Variants in DTNBP1 observed in about 807,000 individuals in gnomAD.
DTNBP1 encodes the protein dysbindin.
DTNBP1 carries 35 observed loss-of-function variants against 42.8 expected under a neutral mutation model. The observed-to-expected ratio is 0.82, with a 90% CI of 0.63 to 1.09. The LOEUF (loss-of-function observed/expected upper bound fraction) is 1.09. DTNBP1 is among the 50% of genes least tolerant of loss of function. The pLI, the probability that DTNBP1 is intolerant of heterozygous loss-of-function variation, is 0.00. For missense variants in DTNBP1, 457 were observed against 424.2 expected, an observed-to-expected ratio of 1.08 and a Z score of -0.68; for synonymous variants, 171 against 162.2, an observed-to-expected ratio of 1.05 and a Z score of -0.41.
intron 7 of DTNBP1, among the ~76,000 whole-genome samples, chr6:15,581,003 C>T (rs1255249726): frequency 6.6e-6 from 1 of 152,194 alleles, no homozygotes. Context: ...AACTACAACT[C>T]TGAAGCCTTA....
At chr6:15,613,613 G>A (rs905516654) in intron 6 of DTNBP1, among the ~76,000 whole-genome samples, 11 of 151,900 alleles carry the variant, frequency 7.2e-5, no homozygotes, top group Non-Finnish European at 1.0e-4. Flanking sequence ...TGATCTGCCC[G>A]CCTTGGCCTC....
At chr6:15,611,394 G>A (rs769885117) in intron 6 of DTNBP1, among the ~76,000 whole-genome samples, 24 of 152,158 alleles carry the variant, frequency 1.6e-4, no homozygotes, top group Admixed American at 7.2e-4. Flanking sequence ...TCACCCAAGA[G>A]CTCTCATGGA....
intron 7 of DTNBP1, among the ~76,000 whole-genome samples, chr6:15,590,745 G>A (rs1776265331): frequency 6.6e-6 from 1 of 152,144 alleles, no homozygotes; most frequent in South Asian, 2.1e-4. Context: ...TAATCTTGTA[G>A]AGATTGGCCA....
intron 7 of DTNBP1, among the ~76,000 whole-genome samples, chr6:15,544,268 G>C: frequency 6.6e-6 from 1 of 152,144 alleles, no homozygotes; most frequent in Non-Finnish European, 1.5e-5. Context: ...TTTTATTATT[G>C]AGTAGAATTT....
intron 7 of DTNBP1, among the ~76,000 whole-genome samples, chr6:15,575,395 C>A (rs1423052024): frequency 6.6e-6 from 1 of 152,194 alleles, no homozygotes; most frequent in Non-Finnish European, 1.5e-5. Context: ...TACCACGTTG[C>A]CACCATTCTC....
intron 6 of DTNBP1, among the ~76,000 whole-genome samples, chr6:15,614,252 G>A (rs1383535286): frequency 6.6e-6 from 1 of 151,736 alleles, no homozygotes; most frequent in African/African-American, 2.4e-5. Context: ...GGGGGGTGGT[G>A]GTATATTAGT....
At chr6:15,660,807 C>T (rs1464396573) in intron 1 of DTNBP1, among the ~76,000 whole-genome samples, 1 of 152,194 alleles carries the variant, frequency 6.6e-6, no homozygotes, top group Non-Finnish European at 1.5e-5. Context: ...CTGAGGCAAC[C>T]ATGTGACCTA....
At chr6:15,568,182 A>G (rs1775181289) in intron 7 of DTNBP1, among the ~76,000 whole-genome samples, 1 of 152,232 alleles carries the variant, frequency 6.6e-6, no homozygotes, top group Admixed American at 6.5e-5. Flanking sequence ...TACCTGGAAT[A>G]AAGGAATGTT....
At chr6:15,540,736 G>T (rs1773511081) in intron 7 of DTNBP1, among the ~76,000 whole-genome samples, 2 of 152,080 alleles carry the variant, frequency 1.3e-5, no homozygotes, top group Non-Finnish European at 2.9e-5. Context: ...CTGCCTCCCA[G>T]GTTCACGCCA....
chr6:15,531,701 T>A (rs1772839561), intron 8 of DTNBP1, among the ~76,000 whole-genome samples: 2 of 152,230 alleles, frequency 1.3e-5, no homozygotes, highest in Non-Finnish European at 2.9e-5. Context: ...TGGCGCGATC[T>A]CAGCTCACTG....
At chr6:15,603,710 C>G (rs572528295) in intron 6 of DTNBP1, among the ~76,000 whole-genome samples, 1 of 152,202 alleles carries the variant, frequency 6.6e-6, no homozygotes, top group African/African-American at 2.4e-5. Context: ...TTGCTAAGCA[C>G]GTCTTCAGCA....
chr6:15,658,045 A>G (rs896749713), intron 1 of DTNBP1, among the ~76,000 whole-genome samples: 3 of 152,282 alleles, frequency 2.0e-5, no homozygotes, highest in East Asian at 1.9e-4. Flanking sequence ...GCTTTGCTTT[A>G]TATCAGCACC....
At chr6:15,662,771 C>G (rs538766228) in intron 1 of DTNBP1, 43 bp downstream of exon 1, 1 of 1,611,314 alleles carries the variant, frequency 6.2e-7, no homozygotes, top group African/African-American at 1.3e-5. Flanking sequence ...AGGCGGCGGC[C>G]CGGCCCCCTC....
Position 15,533,373 on chromosome 6 carries a change from G to A in DTNBP1, c.534C>T (p.Ala178=), listed in dbSNP as rs747886064. The A allele has an allele frequency of 6.2e-7, 1 of 1,614,202 alleles. No individual in the cohort carries two copies. The highest frequency in any genetic ancestry group is 2.2e-5 in the East Asian group (1 of 44,878). ...TFKAELDAEH[A]QKVLEMEHTQ... is the part of the protein sequence containing the mutation. ...TGTGCTCCATTTCCAGGACCTTCTG[G>A]GCGTGCTCTGCATCTAGTTCAGCTG... Residue 178 remains alanine, a synonymous_variant, in exon 8 of 10, where the codon GCC becomes GCT. Coordinates refer to ENST00000344537, the MANE Select transcript of DTNBP1 (RefSeq NM_032122.5).
chr6:15,655,559 T>C (rs1451420899), intron 1 of DTNBP1, among the ~76,000 whole-genome samples: 3 of 151,768 alleles, frequency 2.0e-5, no homozygotes, highest in Non-Finnish European at 4.4e-5. Flanking sequence ...TATAGGAAAG[T>C]TGGAAATAGT....
chr6:15,533,086 A>G (rs1772974772), intron 8 of DTNBP1, 154 bp downstream of exon 8: 1 of 1,128,828 alleles, frequency 8.9e-7, no homozygotes, highest in Non-Finnish European at 1.3e-6. Flanking sequence ...GGCAAGAGAG[A>G]GGTGGCCCGA....
intron 7 of DTNBP1, among the ~76,000 whole-genome samples, chr6:15,551,423 T>C (rs1416201031): frequency 6.6e-6 from 1 of 152,102 alleles, no homozygotes; most frequent in East Asian, 1.9e-4. Flanking sequence ...ATTCAGGAAG[T>C]ATCCCTAGGA....
chr6:15,641,063 C>T (rs774756611), intron 3 of DTNBP1, among the ~76,000 whole-genome samples: 2 of 152,218 alleles, frequency 1.3e-5, no homozygotes, highest in Non-Finnish European at 2.9e-5. Flanking sequence ...CAAACCCCTC[C>T]TGCTATGGCT....
At chr6:15,545,059 T>A (rs1773792066) in intron 7 of DTNBP1, among the ~76,000 whole-genome samples, 1 of 152,210 alleles carries the variant, frequency 6.6e-6, no homozygotes. Context: ...TTTTAACAGT[T>A]ACATTTTTTC....
Sources: allele counts gnomAD v4.1 joint callset (sites outside exome capture counted in the v4.1 genomes callset), GRCh38; gene constraint gnomAD v4.1.1; transcripts MANE v1.5; gene names NCBI Gene and HGNC (gene_info 2026-07-23, HGNC 2026-07-21).